TRHDE: variants seen among roughly 807,000 people sequenced by gnomAD.
The protein encoded by TRHDE is thyrotropin-releasing hormone-degrading ectoenzyme.
A neutral mutation model predicts 125.7 loss-of-function variants in TRHDE; 72 were observed. The observed-to-expected ratio is 0.57, with a 90% CI of 0.47 to 0.70. The LOEUF (loss-of-function observed/expected upper bound fraction) is 0.70. TRHDE is among the 30% of genes least tolerant of loss of function. TRHDE has a pLI of 0.00. For missense variants in TRHDE, 1,110 were observed against 1,327.1 expected (o/e 0.84, Z 2.54); for synonymous variants, 509 against 509.1 (o/e 1.00, Z 0.00).
Position 72,363,875 on chromosome 12 carries a change from T to C in TRHDE, c.1189-14120T>C, listed in dbSNP as rs561782101. Among the ~76,000 whole-genome samples the C allele has an allele frequency of 5.9e-3, 898 of 152,016 alleles. 10 individuals carry two copies. Among genetic ancestry groups the C allele is most frequent in the African/African-American group, 0.02 (821 of 41,446 alleles). Reference sequence around the variant, plus strand: ...ATGATTGTATATCTAGAAAACCCCATTGTCTCAGCCCAAAATCTCCTTAAG... The same window carrying C: ...ATGATTGTATATCTAGAAAACCCCACTGTCTCAGCCCAAAATCTCCTTAAG... On this transcript the variant is annotated intron_variant, in intron 2 of 18. Transcript: ENST00000261180.
chr12:72,473,289 A>G, intron 5 of TRHDE, 109 bp downstream of exon 5: 4 of 753,002 alleles, frequency 5.3e-6, no homozygotes, highest in Non-Finnish European at 6.5e-6. Flanking sequence ...ATGCATGAAA[A>G]TGTATCAATA....
At chr12:72,626,428 A>G (rs1357138575) in intron 15 of TRHDE, among the ~76,000 whole-genome samples, 1 of 151,924 alleles carries the variant, frequency 6.6e-6, no homozygotes, top group African/African-American at 2.4e-5. Flanking sequence ...AAGTGGGGAC[A>G]GTAGAGATAG....
chr12:72,617,702 G>A (rs549876541), intron 12 of TRHDE, among the ~76,000 whole-genome samples: 3 of 152,090 alleles, frequency 2.0e-5, no homozygotes, highest in East Asian at 1.9e-4. Flanking sequence ...AGAAATTTTC[G>A]TTCATGTTTC....
At chr12:72,498,385 A>G (rs1472821904) in intron 5 of TRHDE, among the ~76,000 whole-genome samples, 1 of 152,110 alleles carries the variant, frequency 6.6e-6, no homozygotes, top group Non-Finnish European at 1.5e-5. Flanking sequence ...TTGAAATTAC[A>G]ACTCACTCAG....
At chr12:72,342,552 A>G (rs1870130248) in intron 2 of TRHDE, among the ~76,000 whole-genome samples, 1 of 152,178 alleles carries the variant, frequency 6.6e-6, no homozygotes, top group South Asian at 2.1e-4. Context: ...GAATTGGGTG[A>G]ATTAATCTTT....
chr12:72,238,305 TA>T (rs1696760753), intron 2 of TRHDE, among the ~76,000 whole-genome samples: 1 of 34,220 alleles, frequency 2.9e-5, no homozygotes, highest in African/African-American at 1.0e-4. Context: ...TATATATATA[TA>T]TATATATATA....
In TRHDE at chr12:72,653,026, C is replaced by G; in HGVS notation, c.2854C>G (p.Leu952Val). ...DRNLLNRLLN[L>V]SLNSEVVLDQ... ...ATTCTATCTTTGAAGGCTTCTAAAT[C>G]TGTCACTGAATTCTGAGGTGGTGCT... Residue 952 changes from leucine (L) to valine (V), a missense_variant, in exon 17 of 19, where the codon CTG becomes GTG. By Grantham distance (32) the Leu-to-Val change is conservative. Around this residue, in one of 5 missense-constraint regions of TRHDE, gnomAD observed 527 missense variants for 651.8 expected, o/e 0.81. Transcript: ENST00000261180. The G allele has an allele frequency of 6.2e-7, 1 of 1,603,130 alleles. No homozygotes were observed. Among genetic ancestry groups the G allele is most frequent in the Non-Finnish European group, 8.5e-7 (1 of 1,174,622 alleles).
intron 2 of TRHDE, among the ~76,000 whole-genome samples, chr12:72,193,805 T>A (rs569283433): frequency 6.6e-6 from 1 of 152,288 alleles, no homozygotes; most frequent in Non-Finnish European, 1.5e-5. Flanking sequence ...CTCCATTCTA[T>A]GGAAATTTTC....
intron 5 of TRHDE, among the ~76,000 whole-genome samples, chr12:72,476,227 G>C (rs1004003743): frequency 2.0e-5 from 3 of 152,116 alleles, no homozygotes; most frequent in African/African-American, 4.8e-5. Flanking sequence ...AGGTTATATA[G>C]ATTTAAAAAG....
chr12:72,571,537 A>G (rs1265529758), intron 10 of TRHDE, among the ~76,000 whole-genome samples: 2 of 152,198 alleles, frequency 1.3e-5, no homozygotes, highest in Non-Finnish European at 2.9e-5. Context: ...TAGCCTAAAA[A>G]TAATTTTTAA....
intron 2 of TRHDE, among the ~76,000 whole-genome samples, chr12:72,174,680 G>T (rs904164686): frequency 6.6e-6 from 1 of 152,094 alleles, no homozygotes; most frequent in African/African-American, 2.4e-5. Flanking sequence ...GTTTCTTTAT[G>T]ATTAGATTTA....
At chr12:72,564,652 A>AGTTTTT (rs1336210594) in intron 9 of TRHDE, among the ~76,000 whole-genome samples, 1 of 62,864 alleles carries the variant, frequency 1.6e-5, no homozygotes, top group South Asian at 8.1e-4. Context: ...CATGCGTATG[A>AGTTTTT]ATTTTTTTTT....
At chr12:72,135,488 A>C (rs1456699179) in intron 2 of TRHDE, among the ~76,000 whole-genome samples, 2 of 152,068 alleles carry the variant, frequency 1.3e-5, no homozygotes, top group Admixed American at 1.3e-4. Context: ...TAGCCTTGCT[A>C]GCCCTATAAC....
chr12:72,184,582 C>A (rs2139343797), intron 2 of TRHDE, among the ~76,000 whole-genome samples: 1 of 152,278 alleles, frequency 6.6e-6, no homozygotes, highest in Non-Finnish European at 1.5e-5. Flanking sequence ...AGAAAATCCT[C>A]TCTCCCCTGA....
intron 3 of TRHDE, among the ~76,000 whole-genome samples, chr12:72,396,488 G>A (rs192337471): frequency 2.6e-5 from 4 of 152,164 alleles, no homozygotes; most frequent in African/African-American, 9.7e-5. Flanking sequence ...GCTCACACCT[G>A]TAATCTCAGC....
intron 2 of TRHDE, among the ~76,000 whole-genome samples, chr12:72,191,821 T>C (rs1037340966): frequency 1.3e-5 from 2 of 152,204 alleles, no homozygotes; most frequent in Non-Finnish European, 2.9e-5. Flanking sequence ...CAAGCCTTAA[T>C]ATAATACAAA....
rs188788187 is a variant in TRHDE, at chr12:72,483,699, C to T, written c.1584+10519C>T. Among the ~76,000 whole-genome samples, 249 of 151,984 alleles carry T rather than the reference C, an allele frequency of 1.6e-3. 2 individuals are homozygous for T. The highest frequency in any genetic ancestry group is 5.1e-3 in the African/African-American group (211 of 41,542). On this transcript the variant is annotated intron_variant, in intron 5 of 18. Coordinates refer to ENST00000261180, the MANE Select transcript of TRHDE (RefSeq NM_013381.3). Reference sequence around the variant, plus strand: ...TGATTAACTTTCTGGGCTCTTCGTACTCTATATGTTCTGGAGTTGTTTGCT... The same window carrying T: ...TGATTAACTTTCTGGGCTCTTCGTATTCTATATGTTCTGGAGTTGTTTGCT...
chr12:72,268,374 T>A (rs143682716), upstream of TRHDE, among the ~76,000 whole-genome samples: 2 of 152,288 alleles, frequency 1.3e-5, no homozygotes, highest in African/African-American at 4.8e-5. Flanking sequence ...TAATTAAATA[T>A]TTCTTGAGAA....
intron 2 of TRHDE, chr12:72,137,690 T>A (rs1198011287): frequency 6.6e-6 from 1 of 152,204 alleles, no homozygotes; most frequent in Non-Finnish European, 1.5e-5. Flanking sequence ...TCCTGATCAG[T>A]TAGAACTATT....
Sources: allele counts gnomAD v4.1 joint callset (sites outside exome capture counted in the v4.1 genomes callset), GRCh38; gene constraint gnomAD v4.1.1; regional missense constraint gnomAD v4.1.1; transcripts MANE v1.5; gene names NCBI Gene and HGNC (gene_info 2026-07-23, HGNC 2026-07-21).